The following CFAP161 variants were observed in gnomAD, a reference collection of about 807,000 sequenced individuals.
The protein encoded by CFAP161 is cilia and flagella associated protein 161, also known as cilia- and flagella-associated protein 161.
Under a neutral mutation model 29.0 loss-of-function variants are expected in CFAP161, and 25 were observed. That is an observed-to-expected ratio of 0.86 (90% CI 0.63 to 1.20). CFAP161 has a LOEUF of 1.20. Among genes scored for constraint, CFAP161 ranks in the 50% most tolerant of loss-of-function variants. CFAP161 has a pLI of 0.00. For synonymous variants in CFAP161, 116 were observed against 137.4 expected (o/e 0.84, Z 1.09); for missense variants, 367 against 371.9 (o/e 0.99, Z 0.11).
chr15:81,113,596 T>C (rs1417756962), intron 1 of CFAP161, among the ~76,000 whole-genome samples: 1 of 152,184 alleles, frequency 6.6e-6, no homozygotes, highest in Non-Finnish European at 1.5e-5. Context: ...TACTGATTTA[T>C]TACAAAGGAT....
intron 1 of CFAP161, among the ~76,000 whole-genome samples, chr15:81,125,307 A>T (rs1894627094): frequency 6.6e-6 from 1 of 152,294 alleles, no homozygotes; most frequent in South Asian, 2.1e-4. Context: ...AAAGTTAAAT[A>T]TATGAATGTG....
At chr15:81,132,499 A>G (rs1468621197), upstream of CFAP161, among the ~76,000 whole-genome samples, 1 of 152,228 alleles carries the variant, frequency 6.6e-6, no homozygotes, top group Non-Finnish European at 1.5e-5. Context: ...ATTTGTGTTC[A>G]TAGAAAAATA....
At chr15:81,109,216 C>T (rs1010017060) in intron 1 of CFAP161, among the ~76,000 whole-genome samples, 4 of 152,194 alleles carry the variant, frequency 2.6e-5, no homozygotes, top group African/African-American at 9.7e-5. Flanking sequence ...AAACTCTTGC[C>T]ATGACTTTTG....
intron 1 of CFAP161, among the ~76,000 whole-genome samples, chr15:81,100,738 A>T (rs1894294942): frequency 6.9e-6 from 1 of 145,610 alleles, no homozygotes; most frequent in Admixed American, 6.9e-5. Context: ...CAGGCTCGCC[A>T]TGTTGGCCAG....
intron 5 of CFAP161, 98 bp from the exon 6 acceptor site, chr15:81,147,760 A>G: frequency 1.5e-6 from 1 of 649,262 alleles, no homozygotes; most frequent in Non-Finnish European, 2.5e-6. Flanking sequence ...ATAAATGTAT[A>G]GTATAATCCC....
upstream of CFAP161, among the ~76,000 whole-genome samples, chr15:81,133,341 A>C (rs1334518821): frequency 6.6e-6 from 1 of 151,094 alleles, no homozygotes; most frequent in Non-Finnish European, 1.5e-5. Context: ...TATAGGCTTG[A>C]GCCACCACGC....
intron 1 of CFAP161, among the ~76,000 whole-genome samples, chr15:81,122,169 T>G (rs1193729844): frequency 1.3e-5 from 2 of 152,226 alleles, no homozygotes; most frequent in Non-Finnish European, 2.9e-5. Context: ...AGTGCTGTAA[T>G]GAACATACAC....
At chr15:81,131,136 T>TAAAAAAAA (rs34706078), upstream of CFAP161, among the ~76,000 whole-genome samples, 5 of 130,914 alleles carry the variant, frequency 3.8e-5, no homozygotes, top group Non-Finnish European at 6.5e-5. Flanking sequence ...CTTCAATTTG[T>TAAAAAAAA]AAAAAAAAAA....
intron 1 of CFAP161, among the ~76,000 whole-genome samples, chr15:81,114,758 G>T (rs1052095481): frequency 1.3e-5 from 2 of 152,056 alleles, no homozygotes; most frequent in African/African-American, 4.8e-5. Context: ...CCGCCTCCCG[G>T]GTTCACGTCA....
At chr15:81,105,748 G>A (rs1029219130) in intron 1 of CFAP161, among the ~76,000 whole-genome samples, 2 of 152,234 alleles carry the variant, frequency 1.3e-5, no homozygotes, top group African/African-American at 4.8e-5. Flanking sequence ...GCAGGCAGAA[G>A]ATTATTAAGT....
intron 1 of CFAP161, chr15:81,118,305 A>AT: frequency 2.0e-6 from 1 of 491,440 alleles, no homozygotes; most frequent in Non-Finnish European, 3.8e-6. Flanking sequence ...TTTTCCAGTC[A>AT]TTTGATTTGC....
At chr15:81,139,309 TAAAAATAAAAAATAAAAAG>T (rs775820762) in intron 4 of CFAP161, among the ~76,000 whole-genome samples, 15 of 151,600 alleles carry the variant, frequency 9.9e-5, no homozygotes, top group Non-Finnish European at 1.9e-4. Context: ...AAAATAAAAA[TAAAAATAAAAAATAAAAAG>T]AAGAAGAAAC....
At chr15:81,142,628 C>T (rs1894930476) in intron 4 of CFAP161, among the ~76,000 whole-genome samples, 1 of 152,222 alleles carries the variant, frequency 6.6e-6, no homozygotes, top group South Asian at 2.1e-4. Flanking sequence ...TGCTCAATCA[C>T]CTCTTCTGCT....
In CFAP161 at chr15:81,134,383, T is replaced by G; in HGVS notation, c.54T>G (p.Asp18Glu). 6.3e-7 allele frequency: 1 copy of G among 1,587,904 alleles called. No individual in the cohort carries two copies. Among genetic ancestry groups the G allele is most frequent in the African/African-American group, 1.3e-5 (1 of 74,886 alleles). The change falls in exon 1 of 7, where the codon GAT (aspartate) becomes GAG (glutamate). Residue 18 changes from aspartate (D) to glutamate (E), a missense_variant. Physicochemically the swap from Asp to Glu is conservative, Grantham distance 45. Transcript: ENST00000286732. ...PGVRIGNWNE[D>E]VYLEEELMKD... ...TCCGGATAGGCAACTGGAATGAGGA[T>G]GTCTACCTGGAGGAGGTACGCAGGG... is the stretch of plus-strand genomic sequence containing the variant.
At chr15:81,135,156 C>T (rs1237741610) in intron 1 of CFAP161, 114 bp from the exon 2 acceptor site, 2 of 586,132 alleles carry the variant, frequency 3.4e-6, no homozygotes, top group African/African-American at 3.7e-5. Flanking sequence ...ATGCTCACAT[C>T]TCTTTTTTTG....
chr15:81,144,977 A>G (rs1894982593), intron 5 of CFAP161, among the ~76,000 whole-genome samples: 1 of 152,072 alleles, frequency 6.6e-6, no homozygotes, highest in African/African-American at 2.4e-5. Flanking sequence ...GGAAGGTGGG[A>G]GGTCTTGTGG....
intron 1 of CFAP161, among the ~76,000 whole-genome samples, chr15:81,112,490 A>G (rs1181577063): frequency 1.3e-5 from 2 of 152,236 alleles, no homozygotes; most frequent in African/African-American, 4.8e-5. Context: ...CTTAAAATTA[A>G]AACATAATTT....
In CFAP161 at chr15:81,121,509, C is replaced by G. The variant is rs1374552385; in HGVS notation, c.-141-6081C>G. ...ATACTTTTCTTATAATTTTTTTCAT[C>G]AAAAACACATCTGACTTTTTTGGTA... On this transcript the variant is annotated intron_variant, in intron 1 of 4. Transcript: ENST00000560091. Among the ~76,000 whole-genome samples the G allele has an allele frequency of 9.2e-5, 8 of 86,984 alleles. 1 individual carries two copies. The allele number at this position is 86,984 out of a possible 152,430, so 57.1% of individuals were successfully genotyped here.
At chr15:81,119,316 A>G (rs1894540413) in intron 1 of CFAP161, among the ~76,000 whole-genome samples, 1 of 152,216 alleles carries the variant, frequency 6.6e-6, no homozygotes, top group African/African-American at 2.4e-5. Context: ...GATAACAACC[A>G]GAATCATGAC....
Sources: allele counts gnomAD v4.1 joint callset (sites outside exome capture counted in the v4.1 genomes callset), GRCh38; gene constraint gnomAD v4.1.1; transcripts MANE v1.5; gene names NCBI Gene and HGNC (gene_info 2026-07-23, HGNC 2026-07-21).